SDK1: variants seen among roughly 807,000 people sequenced by gnomAD.
SDK1 encodes the protein protein sidekick-1.
In SDK1, 157 loss-of-function variants were observed where a neutral mutation model predicts 245.5. The observed-to-expected ratio is 0.64, with a 90% CI of 0.56 to 0.73. SDK1 has a LOEUF of 0.73. SDK1 is among the 30% of genes least tolerant of loss of function. The pLI is 0.00. For missense variants in SDK1, 3,583 were observed against 3,002.3 expected, an observed-to-expected ratio of 1.19 and a Z score of -4.52; for synonymous variants, 1,647 against 1,278.5, an observed-to-expected ratio of 1.29 and a Z score of -6.15.
intron 2 of SDK1, among the ~76,000 whole-genome samples, chr7:3,637,162 A>G (rs973625008): frequency 1.3e-5 from 2 of 151,588 alleles, no homozygotes; most frequent in Non-Finnish European, 2.9e-5. Context: ...CAGTGGTGCA[A>G]TCTTAGTTCA....
chr7:4,128,945 G>A (rs1317144572), intron 26 of SDK1, among the ~76,000 whole-genome samples: 9 of 95,074 alleles, frequency 9.5e-5, no homozygotes, highest in Admixed American at 1.0e-4. Context: ...GTCCCCTGGA[G>A]GAGAGCAGCT....
chr7:3,398,760 C>T (rs1215316588), intron 1 of SDK1, among the ~76,000 whole-genome samples: 2 of 141,508 alleles, frequency 1.4e-5, no homozygotes, highest in Admixed American at 7.6e-5. Context: ...AAGACTGAGC[C>T]CCCAGTAGTT....
intron 1 of SDK1, among the ~76,000 whole-genome samples, chr7:3,399,929 T>A (rs1334262124): frequency 2.0e-5 from 3 of 152,148 alleles, no homozygotes; most frequent in Non-Finnish European, 4.4e-5. Flanking sequence ...GTGGTGTTAA[T>A]CAATTGCAGC....
At chr7:3,987,063 A>G in intron 13 of SDK1, 123 bp from the exon 14 acceptor site, 1 of 912,870 alleles carries the variant, frequency 1.1e-6, no homozygotes, top group Non-Finnish European at 1.7e-6. Context: ...GTGTTTGGGC[A>G]TATTTTATGT....
chr7:4,122,697 G>A (rs1230227344), intron 25 of SDK1, among the ~76,000 whole-genome samples: 2 of 152,052 alleles, frequency 1.3e-5, no homozygotes, highest in South Asian at 2.1e-4. Context: ...ATCCTACAGA[G>A]GGGAGAGAAA....
At chr7:3,909,792 G>A (rs971678348) in intron 5 of SDK1, among the ~76,000 whole-genome samples, 6 of 152,308 alleles carry the variant, frequency 3.9e-5, no homozygotes, top group South Asian at 2.1e-4. Context: ...TTTTTGCATA[G>A]CGTGCTTGCC....
At chr7:3,514,868 G>T (rs939821535) in intron 1 of SDK1, among the ~76,000 whole-genome samples, 4 of 150,820 alleles carry the variant, frequency 2.7e-5, no homozygotes, top group African/African-American at 9.7e-5. Flanking sequence ...ACGCGTGCAT[G>T]CGTGCATGCG....
chr7:3,525,560 A>T (rs997263389), intron 1 of SDK1, among the ~76,000 whole-genome samples: 2 of 152,126 alleles, frequency 1.3e-5, no homozygotes, highest in African/African-American at 4.8e-5. Context: ...TGCTGTGTGT[A>T]CAACATCCTT....
intron 20 of SDK1, among the ~76,000 whole-genome samples, chr7:4,073,477 A>T (rs1248278109): frequency 1.3e-5 from 2 of 152,242 alleles, no homozygotes; most frequent in Non-Finnish European, 2.9e-5. Context: ...CTTCCTGAAG[A>T]TGCTGGAATT....
chr7:3,754,360 A>C (rs1301789393), intron 4 of SDK1, among the ~76,000 whole-genome samples: 1 of 152,218 alleles, frequency 6.6e-6, no homozygotes, highest in Non-Finnish European at 1.5e-5. Context: ...AGCCCATATT[A>C]ATATTTCCCC....
chr7:3,772,958 T>G (rs1780446054), intron 4 of SDK1, among the ~76,000 whole-genome samples: 1 of 152,244 alleles, frequency 6.6e-6, no homozygotes, highest in African/African-American at 2.4e-5. Context: ...GTTTCACTGA[T>G]TTCAAGATTC....
chr7:3,770,088 T>C (rs2114999114), intron 4 of SDK1, among the ~76,000 whole-genome samples: 1 of 152,004 alleles, frequency 6.6e-6, no homozygotes, highest in Admixed American at 6.6e-5. Flanking sequence ...GGGCCGAAAG[T>C]GGTGAATGTA....
At chr7:4,168,252 A>G (rs1017059377) in intron 32 of SDK1, among the ~76,000 whole-genome samples, 1 of 152,238 alleles carries the variant, frequency 6.6e-6, no homozygotes, top group Non-Finnish European at 1.5e-5. Flanking sequence ...GACTCCTGCC[A>G]GGAGCGGATG....
At chr7:3,644,787 A>AC (rs1782771803) in intron 4 of SDK1, among the ~76,000 whole-genome samples, 1 of 94,260 alleles carries the variant, frequency 1.1e-5, no homozygotes, top group South Asian at 5.4e-4. Flanking sequence ...AAAAAAAAAA[A>AC]AAAAACAAAA....
At chr7:3,975,632 A>T (rs1782863366) in intron 13 of SDK1, among the ~76,000 whole-genome samples, 1 of 152,232 alleles carries the variant, frequency 6.6e-6, no homozygotes, top group African/African-American at 2.4e-5. Context: ...AAATGAGTGA[A>T]CTCACAAACA....
At chr7:4,031,402 T>C (rs6946871) in intron 17 of SDK1, among the ~76,000 whole-genome samples, 41,449 of 152,126 alleles carry the variant, frequency 0.27, 8,061 homozygotes, top group African/African-American at 0.56. Flanking sequence ...TAGCCAATGG[T>C]AATGTTACTC....
intron 1 of SDK1, among the ~76,000 whole-genome samples, chr7:3,359,599 A>T (rs1293130029): frequency 6.6e-6 from 1 of 152,080 alleles, no homozygotes; most frequent in African/African-American, 2.4e-5. Context: ...CCTCCTCTAA[A>T]GTGTCTGTCC....
intron 1 of SDK1, among the ~76,000 whole-genome samples, chr7:3,348,380 A>G (rs186005290): frequency 8.9e-4 from 135 of 152,308 alleles, no homozygotes; most frequent in Non-Finnish European, 1.5e-3. Context: ...ATGCAGCCAT[A>G]AAAAGGAACA....
At chr7:3,950,461 GAGAT>G (rs1321727263) in intron 5 of SDK1, among the ~76,000 whole-genome samples, 35 of 152,282 alleles carry the variant, frequency 2.3e-4, no homozygotes, top group African/African-American at 8.2e-4. Flanking sequence ...GATATTTTGA[GAGAT>G]AGAGAGGGAC....
Sources: gnomAD v4.1 joint callset for allele counts (sites outside exome capture counted in the v4.1 genomes callset) on GRCh38, gnomAD v4.1.1 for gene constraint, MANE v1.5 for transcripts, NCBI Gene and HGNC (gene_info 2026-07-23, HGNC 2026-07-21) for gene names.